CA10: variants seen among roughly 807,000 people sequenced by gnomAD.
CA10 encodes carbonic anhydrase-related protein 10.
CA10 carries 14 observed loss-of-function variants against 44.2 expected under a neutral mutation model. That is an observed-to-expected ratio of 0.32 (90% CI 0.21 to 0.50). The LOEUF (loss-of-function observed/expected upper bound fraction) is 0.50, where lower values mean the gene tolerates loss of function less well. CA10 is among the 20% of genes least tolerant of loss of function. The pLI, the probability that CA10 is intolerant of heterozygous loss-of-function variation, is 0.99. For missense variants in CA10, 350 were observed against 409.7 expected (o/e 0.85, Z 1.26); for synonymous variants, 159 against 141.6 (o/e 1.12, Z -0.87).
intron 4 of CA10, among the ~76,000 whole-genome samples, chr17:51,694,943 C>G (rs9906087): frequency 0.075 from 11,458 of 152,158 alleles, 1,469 homozygotes; most frequent in African/African-American, 0.26. Flanking sequence ...TTTATTCCCA[C>G]TTTGTTGCAT....
chr17:51,754,064 G>C (rs1451871450), intron 3 of CA10, among the ~76,000 whole-genome samples: 1 of 151,756 alleles, frequency 6.6e-6, no homozygotes. Flanking sequence ...GGCTGGTCTC[G>C]AACTCCTGAC....
chr17:51,927,847 C>A (rs891464537), intron 3 of CA10, among the ~76,000 whole-genome samples: 1 of 152,110 alleles, frequency 6.6e-6, no homozygotes, highest in African/African-American at 2.4e-5. Flanking sequence ...AGAATTATCT[C>A]CCCAACCTCC....
chr17:51,827,323 G>A (rs984017618), intron 3 of CA10, among the ~76,000 whole-genome samples: 1 of 146,648 alleles, frequency 6.8e-6, no homozygotes, highest in Non-Finnish European at 1.5e-5. Context: ...ACCACTAGGA[G>A]AGAAACACGC....
intron 4 of CA10, among the ~76,000 whole-genome samples, chr17:51,655,546 T>G (rs567064115): frequency 3.3e-5 from 5 of 152,362 alleles, no homozygotes; most frequent in African/African-American, 1.2e-4. Context: ...CTACCTTCAC[T>G]GTGCATCCAG....
chr17:51,669,268 C>T lies in CA10; in HGVS notation c.466-15532G>A, dbSNP rs372506980. Reference sequence around the variant, plus strand: ...GGAGGATTGTATATGTACCAATCAGCACTCTGTGTCTAGCTTGGGGTTTGT... The same window carrying T: ...GGAGGATTGTATATGTACCAATCAGTACTCTGTGTCTAGCTTGGGGTTTGT... On this transcript the variant is annotated intron_variant, in intron 4 of 8. Coordinates refer to ENST00000451037, the MANE Select transcript of CA10 (RefSeq NM_020178.5). 1.6e-4 allele frequency among the ~76,000 whole-genome samples: 25 copies of T among 152,300 alleles called. 1 individual carries two copies. The South Asian group carries it at 4.8e-3, about 29-fold the overall frequency.
At chr17:51,645,681 T>C (rs2143253899) in intron 6 of CA10, among the ~76,000 whole-genome samples, 1 of 152,352 alleles carries the variant, frequency 6.6e-6, no homozygotes, top group South Asian at 2.1e-4. Context: ...CAATTAGTTT[T>C]AAGACCCTGG....
chr17:52,091,622 G>C (rs995810231), intron 1 of CA10, among the ~76,000 whole-genome samples: 4 of 152,182 alleles, frequency 2.6e-5, no homozygotes, highest in African/African-American at 7.2e-5. Flanking sequence ...GGTGATTGAT[G>C]AGGAGGACAG....
intron 4 of CA10, among the ~76,000 whole-genome samples, chr17:51,662,002 G>A (rs546604837): frequency 3.3e-5 from 5 of 152,212 alleles, no homozygotes; most frequent in Non-Finnish European, 7.3e-5. Context: ...GAAACACAGC[G>A]TAGGCTAGAT....
intron 3 of CA10, among the ~76,000 whole-genome samples, chr17:51,891,436 A>G (rs1302202118): frequency 1.3e-5 from 2 of 152,202 alleles, no homozygotes; most frequent in Non-Finnish European, 2.9e-5. Context: ...CTTGAAACAG[A>G]GGTGGTAATA....
chr17:51,740,194 C>A (rs1904401278), intron 4 of CA10, among the ~76,000 whole-genome samples: 1 of 152,090 alleles, frequency 6.6e-6, no homozygotes, highest in African/African-American at 2.4e-5. Flanking sequence ...GCAATACGTA[C>A]CCTGTGCCCA....
At chr17:51,879,856 A>G (rs949495810) in intron 3 of CA10, among the ~76,000 whole-genome samples, 5 of 152,232 alleles carry the variant, frequency 3.3e-5, no homozygotes, top group African/African-American at 1.2e-4. Flanking sequence ...AGTGAACTTC[A>G]CTGACCAATG....
intron 3 of CA10, among the ~76,000 whole-genome samples, chr17:51,901,612 G>A (rs1236502037): frequency 6.6e-6 from 1 of 152,090 alleles, no homozygotes; most frequent in African/African-American, 2.4e-5. Flanking sequence ...TGGCAGGGAT[G>A]GGGTACTAGT....
chr17:51,770,904 T>C (rs963212244), intron 3 of CA10, among the ~76,000 whole-genome samples: 1 of 151,774 alleles, frequency 6.6e-6, no homozygotes, highest in South Asian at 2.1e-4. Context: ...GGCAGGCAGA[T>C]CACGAGGTCA....
At chr17:51,892,512 A>G (rs1305237482) in intron 3 of CA10, among the ~76,000 whole-genome samples, 1 of 152,218 alleles carries the variant, frequency 6.6e-6, no homozygotes, top group Non-Finnish European at 1.5e-5. Context: ...TGCATGAGTC[A>G]CATAAATTCT....
intron 2 of CA10, among the ~76,000 whole-genome samples, chr17:52,049,046 T>C (rs1005663404): frequency 6.6e-6 from 1 of 152,084 alleles, no homozygotes; most frequent in African/African-American, 2.4e-5. Context: ...AAATGACATA[T>C]ATAAGAATTA....
At chr17:51,677,596 T>C (rs1227229235) in intron 4 of CA10, among the ~76,000 whole-genome samples, 1 of 152,150 alleles carries the variant, frequency 6.6e-6, no homozygotes, top group Non-Finnish European at 1.5e-5. Context: ...TGGTTACTGC[T>C]GTTATTAATC....
intron 2 of CA10, among the ~76,000 whole-genome samples, chr17:51,987,601 A>G (rs1984888209): frequency 6.6e-6 from 1 of 152,092 alleles, no homozygotes; most frequent in African/African-American, 2.4e-5. Context: ...TCCATTCAAC[A>G]AATATTTATT....
intron 3 of CA10, among the ~76,000 whole-genome samples, chr17:51,905,352 A>G (rs942956031): frequency 6.6e-6 from 1 of 152,098 alleles, no homozygotes; most frequent in Admixed American, 6.5e-5. Context: ...GAAGTGATCT[A>G]AAAGTGTATG....
intron 4 of CA10, among the ~76,000 whole-genome samples, chr17:51,728,052 A>AT (rs1916588594): frequency 6.6e-6 from 1 of 152,038 alleles, no homozygotes; most frequent in East Asian, 1.9e-4. Context: ...CACCCAGCTA[A>AT]TTTTTTGTTG....
Sources: allele counts gnomAD v4.1 joint callset (sites outside exome capture counted in the v4.1 genomes callset), GRCh38; gene constraint gnomAD v4.1.1; transcripts MANE v1.5; gene names NCBI Gene and HGNC (gene_info 2026-07-23, HGNC 2026-07-21).